CLUL1: variants seen among roughly 807,000 people sequenced by gnomAD.
CLUL1 encodes the protein clusterin-like protein 1.
A neutral mutation model predicts 49.4 loss-of-function variants in CLUL1; 43 were observed. That is an observed-to-expected ratio of 0.87 (90% CI 0.68 to 1.12). The LOEUF (loss-of-function observed/expected upper bound fraction) is 1.12. Ranked by LOEUF, CLUL1 falls within the 50% of genes most tolerant of loss-of-function variation. The probability of loss-of-function intolerance (pLI) is 0.00; values close to 1 mark genes in which losing one functional copy is unlikely to be tolerated. For missense variants in CLUL1, 486 were observed against 544.4 expected, an observed-to-expected ratio of 0.89 and a Z score of 1.07; for synonymous variants, 192 against 184.9, an observed-to-expected ratio of 1.04 and a Z score of -0.31.
Position 633,370 on chromosome 18 carries a change from A to G in CLUL1, c.929A>G (p.Gln310Arg), listed in dbSNP as rs779281882. 1.9e-6 allele frequency: 3 copies of G among 1,613,836 alleles called. No homozygotes were observed. In the East Asian group the frequency reaches 6.7e-5, roughly 36 times the overall value. Residue 310 changes from glutamine to arginine, a missense_variant, in exon 7 of 10, where the codon CAG (glutamine) becomes CGG (arginine). Physicochemically the swap from Gln to Arg is conservative, Grantham distance 43. Coordinates refer to ENST00000692774, the MANE Select transcript of CLUL1 (RefSeq NM_001393344.1). ...QDRGLCGELD[Q>R]NLSRCFKFHE... is the part of the protein sequence containing the mutation. ...AGAGGACTGTGTGGGGAACTTGACC[A>G]GAATTTGTCAAGATGTTTCAAATTT...
chr18:619,282 T>A lies in CLUL1; in HGVS notation c.176T>A (p.Met59Lys), dbSNP rs1043732643. The change falls in exon 4 of 10, where the codon ATG (methionine) becomes AAG (lysine). Residue 59 changes from methionine (M) to lysine (K), a missense_variant. Physicochemically the swap from Met to Lys is moderately conservative, Grantham distance 95. Transcript: ENST00000692774. The stretch of plus-strand genomic sequence containing the variant: ...AAGGCTTTGACTGGTATTAAGCAAA[T>A]GAAAATCATGATGGAAAGAAAAGAG... ...VKKALTGIKQ[M>K]KIMMERKEKE... is the part of the protein sequence containing the mutation. 1.2e-6 allele frequency: 2 copies of A among 1,613,738 alleles called. No individual in the cohort carries two copies. The highest frequency in any genetic ancestry group is 1.7e-6 in the Non-Finnish European group (2 of 1,179,908).
intron 9 of CLUL1, among the ~76,000 whole-genome samples, chr18:647,505 G>A (rs1211379085): frequency 2.6e-5 from 4 of 152,152 alleles, no homozygotes; most frequent in East Asian, 1.9e-4. Context: ...GGAGGAAACC[G>A]ATGGACAGCT....
Position 644,983 on chromosome 18 carries a change from CT to C in CLUL1, c.1285del (p.Ser429ProfsTer23). 6.2e-7 allele frequency: 1 copy of C among 1,613,590 alleles called. No homozygotes were observed. The highest frequency in any genetic ancestry group is 1.3e-5 in the African/African-American group (1 of 75,026). On this transcript the variant is annotated frameshift_variant, in exon 9 of 10. Coordinates refer to ENST00000692774, the MANE Select transcript of CLUL1 (RefSeq NM_001393344.1). LOFTEE classifies it high-confidence loss of function. ...ETMMTDLSIL[P>X]SSNFTLKIPL... ...ATGATGACAGACTTAAGCATTCTGCCTTCCTCTAATTTCACACTCAAGATCC... is the reference window on the plus strand; with the variant it reads ...ATGATGACAGACTTAAGCATTCTGCCTCCTCTAATTTCACACTCAAGATCC...
chr18:619,250 G>A lies in CLUL1; in HGVS notation c.144G>A (p.Glu48=), dbSNP rs1457207842. Residue 48 remains glutamate, a synonymous_variant, in exon 4 of 10, where the codon GAG becomes GAA. Coordinates refer to ENST00000692774, the MANE Select transcript of CLUL1 (RefSeq NM_001393344.1). ...TGGGGGAGATAGATGCAGATGAAGA[G>A]GTGAAGAAGGCTTTGACTGGTATTA... ...SEVGEIDADE[E]VKKALTGIKQ... is the part of the protein sequence containing the mutation. The A allele has an allele frequency of 1.9e-6, 3 of 1,613,732 alleles. No homozygotes were observed. The highest frequency in any genetic ancestry group is 2.2e-5 in the East Asian group (1 of 44,876).
chr18:613,210 C>A (rs1247341724), intron 2 of CLUL1: 1 of 472,508 alleles, frequency 2.1e-6, no homozygotes, highest in Non-Finnish European at 3.8e-6. Flanking sequence ...GCAATCTCAG[C>A]TCACTGCAAC....
intron 5 of CLUL1, 59 bp downstream of exon 5, chr18:625,091 T>C: frequency 6.6e-7 from 1 of 1,524,348 alleles, no homozygotes; most frequent in South Asian, 1.2e-5. Context: ...TTCAGCTTAC[T>C]TTTTTATTAA....
In CLUL1 at chr18:616,385, G is replaced by A. The variant is rs183411363; in HGVS notation, c.-13-1603G>A. Among the ~76,000 whole-genome samples, 654 of 152,202 alleles carry A rather than the reference G, an allele frequency of 4.3e-3. 7 individuals carry two copies. Among genetic ancestry groups the A allele is most frequent in the African/African-American group, 0.015 (635 of 41,520 alleles). On this transcript the variant is annotated intron_variant, in intron 2 of 9. Coordinates refer to ENST00000692774, the MANE Select transcript of CLUL1 (RefSeq NM_001393344.1). Reference sequence around the variant, plus strand: ...CTAAGAGTTTACTCACTTTCACATTGTGGCTTATAGTATTTTCAATCTAAG... The same window carrying A: ...CTAAGAGTTTACTCACTTTCACATTATGGCTTATAGTATTTTCAATCTAAG...
chr18:622,462 C>T (rs1251923026), intron 4 of CLUL1, among the ~76,000 whole-genome samples: 1 of 152,128 alleles, frequency 6.6e-6, no homozygotes, highest in Non-Finnish European at 1.5e-5. Flanking sequence ...GGCTCAATGC[C>T]AGGTTAATAT....
chr18:638,860 G>GAAAA (rs543461487), intron 7 of CLUL1, among the ~76,000 whole-genome samples: 22 of 143,182 alleles, frequency 1.5e-4, no homozygotes, highest in African/African-American at 4.3e-4. Flanking sequence ...TTTGTCTCAG[G>GAAAA]AAAAAAAAAA....
chr18:617,322 T>C (rs982930587), intron 2 of CLUL1, among the ~76,000 whole-genome samples: 1 of 152,052 alleles, frequency 6.6e-6, no homozygotes, highest in African/African-American at 2.4e-5. Context: ...ATGCCAGGTG[T>C]GGTGGCTCAC....
intron 6 of CLUL1, among the ~76,000 whole-genome samples, chr18:627,933 C>T (rs944566118): frequency 2.6e-5 from 4 of 152,176 alleles, no homozygotes; most frequent in Non-Finnish European, 5.9e-5. Flanking sequence ...AAGCAATTCT[C>T]CTGCCTCAGC....
intron 6 of CLUL1, among the ~76,000 whole-genome samples, chr18:630,397 TC>T (rs1271061987): frequency 8.0e-6 from 1 of 124,506 alleles, no homozygotes; most frequent in Non-Finnish European, 1.7e-5. Context: ...GCATGAGCCA[TC>T]ATGCCCGGCC....
intron 6 of CLUL1, among the ~76,000 whole-genome samples, chr18:629,035 A>G (rs485562): frequency 0.12 from 18,796 of 152,176 alleles, 1,342 homozygotes; most frequent in East Asian, 0.35. Context: ...CAAAATCGCC[A>G]TGACATTACA....
Position 641,347 on chromosome 18 carries a change from C to T in CLUL1, c.1015C>T (p.Leu339=). The change falls in exon 8 of 10, where the codon CTG becomes TTG. Residue 339 remains leucine, a synonymous_variant. Coordinates refer to ENST00000692774, the MANE Select transcript of CLUL1 (RefSeq NM_001393344.1). The part of the protein sequence containing the change: ...LSEDCPDVPA[L]HTELDEAIRL... ...GCTAGACTGTCCTGATGTACCTGCTCTGCACACAGAATTAGACGAGGCGAT... is the reference window on the plus strand; with the variant it reads ...GCTAGACTGTCCTGATGTACCTGCTTTGCACACAGAATTAGACGAGGCGAT... 2.5e-6 allele frequency: 4 copies of T among 1,614,192 alleles called. No individual in the cohort carries two copies. Among genetic ancestry groups the T allele is most frequent in the Non-Finnish European group, 3.4e-6 (4 of 1,180,036 alleles).
Position 645,109 on chromosome 18 carries a change from G to A in CLUL1, c.1397+12G>A. ...CATTTTAAAACCTGGTAAGCAGAGT[G>A]CCTGGTTAGGAATGCCTTGTTGACA... is the stretch of plus-strand genomic sequence containing the variant. On this transcript the variant is annotated intron_variant, in intron 9 of 9. Transcript: ENST00000692774. 1 of 1,569,634 alleles carries A rather than the reference G, an allele frequency of 6.4e-7. No individual in the cohort carries two copies.
At chr18:648,043 C>G (rs1289489255) in intron 9 of CLUL1, among the ~76,000 whole-genome samples, 2 of 152,120 alleles carry the variant, frequency 1.3e-5, no homozygotes, top group African/African-American at 2.4e-5. Context: ...TATCAGTAGA[C>G]TACAACAAGA....
intron 8 of CLUL1, among the ~76,000 whole-genome samples, chr18:644,671 G>C (rs1011359854): frequency 1.3e-5 from 2 of 152,216 alleles, no homozygotes; most frequent in African/African-American, 4.8e-5. Context: ...ATGTGCTACA[G>C]CTATGAGATA....
intron 2 of CLUL1, among the ~76,000 whole-genome samples, chr18:607,330 T>C (rs1217592026): frequency 6.6e-6 from 1 of 152,178 alleles, no homozygotes. Context: ...GGTTTCACCA[T>C]GTTGGCCAGG....
At chr18:628,700 C>T (rs531471750) in intron 6 of CLUL1, among the ~76,000 whole-genome samples, 5 of 139,118 alleles carry the variant, frequency 3.6e-5, no homozygotes, top group East Asian at 4.2e-4. Context: ...GGTGTGATCT[C>T]GGCTCACTGC....
Sources: gnomAD v4.1 joint callset for allele counts (sites outside exome capture counted in the v4.1 genomes callset) on GRCh38, gnomAD v4.1.1 for gene constraint, MANE v1.5 for transcripts, NCBI Gene and HGNC (gene_info 2026-07-23, HGNC 2026-07-21) for gene names.